The following HTR2C variants were observed in gnomAD, a reference collection of about 807,000 sequenced individuals.
HTR2C encodes 5-hydroxytryptamine (serotonin) receptor 2C, G protein-coupled.
Under a neutral mutation model 21.0 loss-of-function variants are expected in HTR2C, and 5 were observed. The ratio of observed to expected loss-of-function variants is 0.24; its 90% CI spans 0.12 to 0.50. The LOEUF (loss-of-function observed/expected upper bound fraction) is 0.50, where lower values mean the gene tolerates loss of function less well. Among genes scored for constraint, HTR2C ranks in the 20% least tolerant of loss-of-function variants. HTR2C has a pLI of 0.98. For missense variants in HTR2C, 271 were observed against 371.2 expected, an observed-to-expected ratio of 0.73 and a Z score of 2.22; for synonymous variants, 150 against 145.3, an observed-to-expected ratio of 1.03 and a Z score of -0.23.
intron 4 of HTR2C, among the ~76,000 whole-genome samples, chrX:114,806,730 T>TATACACACCATATAG (rs2070451724): frequency 1.2e-5 from 1 of 83,491 alleles, no homozygotes; most frequent in African/African-American, 4.4e-5. Context: ...ATACACCATA[T>TATACACACCATATAG]ATATACACAC....
chrX:114,677,427 G>GT (rs376118384), intron 2 of HTR2C, among the ~76,000 whole-genome samples: 39 of 107,671 alleles, frequency 3.6e-4, no homozygotes, highest in African/African-American at 8.4e-4. Context: ...TGAAATATTA[G>GT]TTTTTTTTTT....
rs192067765 is a variant in HTR2C, at chrX:114,697,691, A to T, written c.-79-29167A>T. Among the ~76,000 whole-genome samples, 173 of 112,463 alleles carry T rather than the reference A, an allele frequency of 1.5e-3. 1 individual carries two copies. The highest frequency in any genetic ancestry group is 5.3e-3 in the African/African-American group (165 of 31,040). On this transcript the variant is annotated intron_variant, in intron 2 of 5. Transcript: ENST00000276198. ...TGTTCTTCACCCCTGTTCTCTACGA[A>T]TCATTTGGCTGAGACTGTACTTTTT...
At chrX:114,772,959 T>C (rs1462305303) in intron 4 of HTR2C, among the ~76,000 whole-genome samples, 3 of 111,735 alleles carry the variant, frequency 2.7e-5, no homozygotes, top group Non-Finnish European at 3.8e-5. Flanking sequence ...CCAGTAACTG[T>C]GTGATCCAGG....
chrX:114,877,758 A>C (rs1371811142), intron 5 of HTR2C, among the ~76,000 whole-genome samples: 1 of 109,030 alleles, frequency 9.2e-6, no homozygotes, highest in African/African-American at 3.3e-5. Flanking sequence ...TATATTTGTA[A>C]ATTTTTAAAT....
chrX:114,846,516 A>G (rs2070874841), intron 4 of HTR2C, among the ~76,000 whole-genome samples: 1 of 112,113 alleles, frequency 8.9e-6, no homozygotes, highest in Admixed American at 9.5e-5. Flanking sequence ...TACAGAAACT[A>G]ATCAATGTAA....
intron 2 of HTR2C, among the ~76,000 whole-genome samples, chrX:114,666,512 A>T (rs1166014296): frequency 8.9e-6 from 1 of 111,810 alleles, no homozygotes; most frequent in Non-Finnish European, 1.9e-5. Context: ...TCAAGGTGCC[A>T]TATTATGTAC....
intron 4 of HTR2C, among the ~76,000 whole-genome samples, chrX:114,740,583 GATTA>G (rs1556425162): frequency 1.8e-5 from 2 of 111,420 alleles, no homozygotes; most frequent in Non-Finnish European, 3.8e-5. Context: ...TATAGAGAGA[GATTA>G]ATTAAATATA....
chrX:114,795,229 T>C (rs1556444861), intron 4 of HTR2C, among the ~76,000 whole-genome samples: 3 of 111,622 alleles, frequency 2.7e-5, no homozygotes, highest in African/African-American at 9.8e-5. Flanking sequence ...GGGTTGTTTG[T>C]TTTTTTCTTG....
chrX:114,826,105 G>T (rs2070676207), intron 4 of HTR2C, among the ~76,000 whole-genome samples: 2 of 107,015 alleles, frequency 1.9e-5, no homozygotes, highest in South Asian at 4.1e-4. Flanking sequence ...TTGAGACAGG[G>T]TTTTTCTTTG....
chrX:114,846,219 G>C (rs1330729474), intron 4 of HTR2C, among the ~76,000 whole-genome samples: 2 of 111,164 alleles, frequency 1.8e-5, no homozygotes, highest in African/African-American at 6.5e-5. Flanking sequence ...AAGACAAGAA[G>C]TTTTCCTTTT....
At chrX:114,607,812 T>C (rs1004364158) in intron 1 of HTR2C, among the ~76,000 whole-genome samples, 4 of 110,701 alleles carry the variant, frequency 3.6e-5, no homozygotes, top group South Asian at 7.8e-4. Context: ...GCCAACTTGG[T>C]GAAACCCCAT....
chrX:114,653,850 G>A (rs1324813753), intron 2 of HTR2C, among the ~76,000 whole-genome samples: 2 of 110,888 alleles, frequency 1.8e-5, no homozygotes, highest in South Asian at 3.8e-4. Flanking sequence ...AATCAGTATA[G>A]GAAGATTAAT....
chrX:114,626,827 A>G (rs782096615), intron 2 of HTR2C, among the ~76,000 whole-genome samples: 1 of 111,960 alleles, frequency 8.9e-6, no homozygotes, highest in African/African-American at 3.2e-5. Flanking sequence ...TCCTTATGGC[A>G]GAGTTATAGC....
intron 4 of HTR2C, among the ~76,000 whole-genome samples, chrX:114,804,226 T>C (rs1556447971): frequency 8.9e-6 from 1 of 111,947 alleles, no homozygotes; most frequent in Non-Finnish European, 1.9e-5. Context: ...ACTTAGGTTT[T>C]TCTAGTCTCA....
intron 5 of HTR2C, among the ~76,000 whole-genome samples, chrX:114,893,929 T>C (rs2071276842): frequency 8.9e-6 from 1 of 112,019 alleles, no homozygotes; most frequent in Non-Finnish European, 1.9e-5. Flanking sequence ...ATATGAGACA[T>C]TGTTCAGTGT....
chrX:114,700,825 C>T (rs1033084247), intron 2 of HTR2C, among the ~76,000 whole-genome samples: 26 of 112,389 alleles, frequency 2.3e-4, no homozygotes, highest in Non-Finnish European at 3.8e-4. Context: ...GGGTGACAGA[C>T]GGCACCTGGA....
intron 4 of HTR2C, among the ~76,000 whole-genome samples, chrX:114,812,442 A>G (rs1466355239): frequency 1.8e-5 from 2 of 110,810 alleles, no homozygotes; most frequent in Admixed American, 1.9e-4. Flanking sequence ...TGAAAAGGCT[A>G]TCTTGGGCCG....
intron 2 of HTR2C, among the ~76,000 whole-genome samples, chrX:114,674,501 T>A (rs1428439381): frequency 1.8e-5 from 2 of 111,567 alleles, no homozygotes; most frequent in Admixed American, 1.9e-4. Context: ...TTTTCCTATC[T>A]GCTTCTCTAC....
Position 114,726,979 on chromosome X carries a change from T to A in HTR2C, c.35+8T>A. ...TGCGGTGCATTCATTCCTGTAAGGATGTTACTACTTATTATTTTAGTAAAA... is the reference window on the plus strand; with the variant it reads ...TGCGGTGCATTCATTCCTGTAAGGAAGTTACTACTTATTATTTTAGTAAAA... On this transcript the variant is annotated splice_region_variant and intron_variant, in intron 3 of 5. Transcript: ENST00000276198. 1 of 1,045,475 alleles carries A rather than the reference T, an allele frequency of 9.6e-7. No homozygotes were observed. The highest frequency in any genetic ancestry group is 1.3e-6 in the Non-Finnish European group (1 of 780,783). 86.2% of individuals were successfully genotyped at this position (1,045,475 alleles called of 1,213,427 possible).
Sources: gnomAD v4.1 joint callset for allele counts (sites outside exome capture counted in the v4.1 genomes callset) on GRCh38, gnomAD v4.1.1 for gene constraint, MANE v1.5 for transcripts, NCBI Gene and HGNC (gene_info 2026-07-23, HGNC 2026-07-21) for gene names.